EPN2: variants seen among roughly 807,000 people sequenced by gnomAD.
The protein encoded by EPN2 is epsin 2.
EPN2 carries 34 observed loss-of-function variants against 61.7 expected under a neutral mutation model. The ratio of observed to expected loss-of-function variants is 0.55; its 90% CI spans 0.42 to 0.73. The LOEUF is 0.73. Ranked by LOEUF, EPN2 falls within the 30% of genes least tolerant of loss-of-function variation. The pLI, the probability that EPN2 is intolerant of heterozygous loss-of-function variation, is 0.00. For missense variants in EPN2, 714 were observed against 839.2 expected (o/e 0.85, Z 1.84); for synonymous variants, 349 against 353.6 (o/e 0.99, Z 0.15).
intron 9 of EPN2, among the ~76,000 whole-genome samples, chr17:19,330,282 C>G (rs1870806147): frequency 6.6e-6 from 1 of 152,202 alleles, no homozygotes; most frequent in Non-Finnish European, 1.5e-5. Flanking sequence ...CATCTCCCAG[C>G]CACACATGGC....
rs1446058574 is a variant in EPN2 at position 19,285,476 on chromosome 17, G to A, written c.596-144G>A. ...AGCTGCATGTTCAGGGTCAGAATGT[G>A]GTCAGTGGGCTTTTCACAGCTTCCA... On this transcript the variant is annotated intron_variant, in intron 3 of 10. Transcript: ENST00000314728. This position sits in a 1 kb window ranked among gnomAD's most constrained non-coding sequence, Gnocchi z 4.5. The A allele has an allele frequency of 1.6e-6, 2 of 1,288,166 alleles. No homozygotes were observed. The highest frequency in any genetic ancestry group is 3.7e-5 in the Admixed American group (1 of 26,688). 79.8% of individuals were successfully genotyped at this position (1,288,166 alleles called of 1,614,324 possible).
In EPN2 at chr17:19,251,326, T is replaced by C. The variant is rs867506157; in HGVS notation, c.-294+13795T>C. The stretch of plus-strand genomic sequence containing the variant: ...TGCATCTGGAGAGGCAGGATCTTGC[T>C]TCCTTCAGCTCCCAAGCCTGGAGGT... On this transcript the variant is annotated intron_variant, in intron 1 of 10. Transcript: ENST00000314728. Among the ~76,000 whole-genome samples the C allele has an allele frequency of 1.1e-4, 16 of 152,304 alleles. No homozygotes were observed. The Middle Eastern group carries it at 0.01, about 97-fold the overall frequency.
At chr17:19,282,152 G>T (rs1217833323) in intron 2 of EPN2, 75 bp downstream of exon 2, 2 of 152,152 alleles carry the variant, frequency 1.3e-5, no homozygotes, top group Non-Finnish European at 2.9e-5. Flanking sequence ...AGATAGCCAG[G>T]GGTCTCAGTT....
At position 19,283,614 on chromosome 17, in the gene EPN2, G is replaced by C; in HGVS notation, c.495G>C (p.Gln165His). 2 of 1,614,138 alleles carry C rather than the reference G, an allele frequency of 1.2e-6. No homozygotes were observed. The highest frequency in any genetic ancestry group is 1.7e-6 in the Non-Finnish European group (2 of 1,180,038). ...AQVATGMGSN[Q>H]ITFGRGSSQP... ...TTGCCACTGGCATGGGCAGCAACCA[G>C]ATCACCTTTGGGCGAGGCTCCAGCC... Residue 165 changes from glutamine to histidine, a missense_variant, in exon 3 of 11, where the codon CAG becomes CAC. Physicochemically the swap from Gln to His is conservative, Grantham distance 24 (BLOSUM62 0). Transcript: ENST00000314728. This position sits in a 1 kb window ranked among gnomAD's most constrained non-coding sequence, Gnocchi z 7.0.
At chr17:19,314,841 A>G (rs550050500) in intron 7 of EPN2, among the ~76,000 whole-genome samples, 1 of 152,372 alleles carries the variant, frequency 6.6e-6, no homozygotes. Context: ...GTGGTGCCCC[A>G]GGGCTGGCAG....
At chr17:19,244,457 C>CAAAAAAAAAAA (rs1210669874) in intron 1 of EPN2, among the ~76,000 whole-genome samples, 1 of 95,646 alleles carries the variant, frequency 1.0e-5, no homozygotes. Flanking sequence ...TGACTCTTCT[C>CAAAAAAAAAAA]AAAAAAAAAA....
intron 1 of EPN2, among the ~76,000 whole-genome samples, chr17:19,266,307 A>T (rs2045196579): frequency 6.6e-6 from 1 of 152,122 alleles, no homozygotes. Context: ...TTACCATATG[A>T]CCCAGCAGCT....
At chr17:19,320,260 A>G (rs1906581460) in intron 7 of EPN2, among the ~76,000 whole-genome samples, 1 of 152,178 alleles carries the variant, frequency 6.6e-6, no homozygotes. Flanking sequence ...TGTGACCCGC[A>G]TGCTGGCTGT....
At chr17:19,268,413 A>G (rs2045221550) in intron 1 of EPN2, among the ~76,000 whole-genome samples, 1 of 152,058 alleles carries the variant, frequency 6.6e-6, no homozygotes, top group Admixed American at 6.6e-5. Flanking sequence ...GCTGAAGTAT[A>G]GTGGCATGAT....
intron 1 of EPN2, among the ~76,000 whole-genome samples, chr17:19,245,182 G>A (rs2044931455): frequency 6.6e-6 from 1 of 152,172 alleles, no homozygotes; most frequent in African/African-American, 2.4e-5. Context: ...GTGTACAGCA[G>A]GGACCTAGGG....
At chr17:19,259,959 C>T (rs1390121623) in intron 1 of EPN2, among the ~76,000 whole-genome samples, 1 of 152,208 alleles carries the variant, frequency 6.6e-6, no homozygotes, top group East Asian at 1.9e-4. Context: ...TGCCCCCTTG[C>T]ACACTCCATG....
chr17:19,294,464 G>T (rs2045495689), intron 4 of EPN2, among the ~76,000 whole-genome samples: 1 of 152,158 alleles, frequency 6.6e-6, no homozygotes, highest in Non-Finnish European at 1.5e-5. Flanking sequence ...TTAAATGATT[G>T]ACATTGGCGT....
chr17:19,259,982 G>A (rs1360169374), intron 1 of EPN2, among the ~76,000 whole-genome samples: 2 of 152,156 alleles, frequency 1.3e-5, no homozygotes, highest in African/African-American at 4.8e-5. Flanking sequence ...TGGCCTAAAA[G>A]CCCAGTCTGC....
intron 6 of EPN2, among the ~76,000 whole-genome samples, chr17:19,312,633 C>T (rs1598015784): frequency 6.6e-6 from 1 of 152,234 alleles, no homozygotes; most frequent in Admixed American, 6.5e-5. Flanking sequence ...CCATTGGCCT[C>T]CTCTGTTACA....
intron 1 of EPN2, among the ~76,000 whole-genome samples, chr17:19,238,031 ATC>A (rs138083868): frequency 0.018 from 2,797 of 151,476 alleles, 62 homozygotes; most frequent in South Asian, 0.066. Flanking sequence ...AGGGGTCCTT[ATC>A]TCTGTCCGGG....
At chr17:19,273,597 C>G (rs967982579) in intron 1 of EPN2, among the ~76,000 whole-genome samples, 11 of 152,094 alleles carry the variant, frequency 7.2e-5, no homozygotes, top group African/African-American at 2.7e-4. Flanking sequence ...CTCCTGGGCT[C>G]AAGTGATCCT....
chr17:19,297,556 A>G (rs897378373), intron 4 of EPN2, among the ~76,000 whole-genome samples: 1 of 152,204 alleles, frequency 6.6e-6, no homozygotes, highest in East Asian at 1.9e-4. Context: ...CCCATTTAAG[A>G]GAGGCAGACA....
chr17:19,255,560 GTTT>G (rs56823339), intron 1 of EPN2, among the ~76,000 whole-genome samples: 6 of 92,184 alleles, frequency 6.5e-5, no homozygotes, highest in Admixed American at 2.3e-4. Flanking sequence ...TCTGGGGAGA[GTTT>G]TTTTTTTTTT....
intron 4 of EPN2, chr17:19,308,066 A>G (rs909504045): frequency 5.2e-6 from 5 of 968,922 alleles, no homozygotes; most frequent in Non-Finnish European, 6.1e-6. Flanking sequence ...AAACTAATAC[A>G]CAATTAGAAC....
Sources: gnomAD v4.1 joint callset for allele counts (sites outside exome capture counted in the v4.1 genomes callset) on GRCh38, gnomAD v4.1.1 for gene constraint, Gnocchi (gnomAD v3.1) non-coding constraint, MANE v1.5 for transcripts, NCBI Gene and HGNC (gene_info 2026-07-23, HGNC 2026-07-21) for gene names.